The following PATJ variants were observed in gnomAD, a reference collection of about 807,000 sequenced individuals.
PATJ encodes PATJ crumbs cell polarity complex component.
Under a neutral mutation model 224.9 loss-of-function variants are expected in PATJ, and 190 were observed. The ratio of observed to expected loss-of-function variants is 0.84; its 90% CI spans 0.75 to 0.95. The LOEUF (loss-of-function observed/expected upper bound fraction) is 0.95. Ranked by LOEUF, PATJ falls within the 40% of genes least tolerant of loss-of-function variation. PATJ has a pLI of 0.00. For synonymous variants in PATJ, 769 were observed against 820.3 expected, an observed-to-expected ratio of 0.94 and a Z score of 1.07; for missense variants, 2,121 against 2,270.3, an observed-to-expected ratio of 0.93 and a Z score of 1.34.
At chr1:61,784,587 C>CATAAAGTATATCA (rs1349018609) in intron 7 of PATJ, among the ~76,000 whole-genome samples, 1 of 152,172 alleles carries the variant, frequency 6.6e-6, no homozygotes, top group Non-Finnish European at 1.5e-5. Context: ...TAGGAAGTGA[C>CATAAAGTATATCA]TAAAAATATA....
At chr1:61,948,723 C>G (rs1251921864) in intron 27 of PATJ, among the ~76,000 whole-genome samples, 1 of 152,150 alleles carries the variant, frequency 6.6e-6, no homozygotes, top group East Asian at 1.9e-4. Context: ...GGCATATACC[C>G]AAAGGACTAT....
chr1:61,886,364 C>G (rs959676594), intron 22 of PATJ, among the ~76,000 whole-genome samples: 7 of 152,106 alleles, frequency 4.6e-5, no homozygotes, highest in Non-Finnish European at 1.0e-4. Flanking sequence ...CTAATAGGGT[C>G]AATGTAGATA....
chr1:61,760,913 G>C (rs970346084), intron 1 of PATJ, among the ~76,000 whole-genome samples: 13 of 152,160 alleles, frequency 8.5e-5, no homozygotes, highest in African/African-American at 3.1e-4. Flanking sequence ...CGCCCAGCCT[G>C]GGTGGTTTCT....
chr1:61,871,482 TGTGTATATATGTATATATACATATATAC>T (rs1352750366), intron 20 of PATJ, among the ~76,000 whole-genome samples: 3 of 27,294 alleles, frequency 1.1e-4, no homozygotes, highest in African/African-American at 4.4e-4. Context: ...TACATATATA[TGTGTATATATGTATATATACATATATAC>T]GCATATATAT....
intron 30 of PATJ, chr1:62,038,993 C>G (rs1432400710): frequency 7.3e-7 from 1 of 1,363,566 alleles, no homozygotes; most frequent in East Asian, 2.3e-5. Context: ...CAACAAGCAG[C>G]TGAGCTAACC....
intron 43 of PATJ, among the ~76,000 whole-genome samples, chr1:62,160,060 G>A (rs1669699335): frequency 6.6e-6 from 1 of 152,022 alleles, no homozygotes; most frequent in Non-Finnish European, 1.5e-5. Context: ...ACCTCATTTA[G>A]AGGATTCTTC....
chr1:61,920,105 A>G (rs1674070023), intron 26 of PATJ, among the ~76,000 whole-genome samples: 1 of 151,964 alleles, frequency 6.6e-6, no homozygotes, highest in Non-Finnish European at 1.5e-5. Flanking sequence ...TTTAGTTTTT[A>G]TTTCACATGT....
chr1:62,113,890 T>C (rs1284191920), intron 34 of PATJ, among the ~76,000 whole-genome samples, 163 bp from the exon 35 acceptor site: 1 of 152,236 alleles, frequency 6.6e-6, no homozygotes, highest in East Asian at 1.9e-4. Flanking sequence ...ATCTCCTTTA[T>C]ATTCAAAGCA....
At chr1:61,906,417 AG>A (rs1671865002) in intron 24 of PATJ, among the ~76,000 whole-genome samples, 1 of 152,150 alleles carries the variant, frequency 6.6e-6, no homozygotes, top group Non-Finnish European at 1.5e-5. Flanking sequence ...GAGGCTATCC[AG>A]GGGATCTACC....
intron 17 of PATJ, among the ~76,000 whole-genome samples, chr1:61,838,442 C>T (rs1306876359): frequency 6.6e-6 from 1 of 151,758 alleles, no homozygotes; most frequent in East Asian, 1.9e-4. Context: ...GCAAGCTCCA[C>T]CTCCCGGGTT....
rs1664182653 is a variant in PATJ, at chr1:62,114,142, T to C, written c.4551T>C (p.Tyr1517=). 6 of 1,613,696 alleles carry C rather than the reference T, an allele frequency of 3.7e-6. No homozygotes were observed. The highest frequency in any genetic ancestry group is 4.2e-6 in the Non-Finnish European group (5 of 1,179,930). The change falls in exon 35 of 44, where the codon TAT becomes TAC. Residue 1517 remains tyrosine (Y), a synonymous_variant. Coordinates refer to ENST00000642238, the MANE Select transcript of PATJ (RefSeq NM_001350145.3). ...CCCAGAAGGTGCGGCTGGTGGTGTA[T>C]AGAGATGAGGCACACTACCGGGATG... ...QTPQKVRLVV[Y]RDEAHYRDEE... is the part of the protein sequence containing the mutation.
At chr1:62,043,726 T>TTG (rs1553251828) in intron 30 of PATJ, among the ~76,000 whole-genome samples, 1 of 151,246 alleles carries the variant, frequency 6.6e-6, no homozygotes, top group Non-Finnish European at 1.5e-5. Context: ...GGTTTTGGTT[T>TTG]GGGGGGGGCA....
intron 27 of PATJ, among the ~76,000 whole-genome samples, chr1:61,938,395 G>A (rs1677220832): frequency 6.6e-6 from 1 of 151,848 alleles, no homozygotes; most frequent in South Asian, 2.1e-4. Context: ...AAAAAAACAA[G>A]AAACAAAACA....
intron 17 of PATJ, among the ~76,000 whole-genome samples, chr1:61,844,590 T>C (rs1228301996): frequency 6.6e-6 from 1 of 152,200 alleles, no homozygotes; most frequent in Non-Finnish European, 1.5e-5. Context: ...TTATACTTGT[T>C]CTTTTTTTAT....
chr1:62,160,836 A>G (rs1669773342), intron 43 of PATJ, 72 bp from the exon 44 acceptor site: 1 of 1,509,620 alleles, frequency 6.6e-7, no homozygotes, highest in Non-Finnish European at 9.1e-7. Context: ...GACAGATGTT[A>G]GAGGTTTTAA....
intron 33 of PATJ, among the ~76,000 whole-genome samples, chr1:62,096,676 C>T (rs1482374535): frequency 3.3e-5 from 5 of 152,184 alleles, no homozygotes; most frequent in Admixed American, 2.6e-4. Context: ...AGTGCAATGG[C>T]GCGATCTCAG....
chr1:61,823,921 G>C (rs1377399967), intron 15 of PATJ, among the ~76,000 whole-genome samples: 1 of 152,158 alleles, frequency 6.6e-6, no homozygotes, highest in Non-Finnish European at 1.5e-5. Context: ...ATCAAATTCT[G>C]TCATAAGCAT....
chr1:62,065,333 G>A (rs1656230755), intron 31 of PATJ, among the ~76,000 whole-genome samples: 1 of 152,158 alleles, frequency 6.6e-6, no homozygotes, highest in Non-Finnish European at 1.5e-5. Context: ...GCTTTAGGCT[G>A]GGTGCCGTGG....
chr1:61,814,114 A>C (rs1454184197), intron 14 of PATJ, among the ~76,000 whole-genome samples: 4 of 143,962 alleles, frequency 2.8e-5, no homozygotes, highest in Non-Finnish European at 6.0e-5. Flanking sequence ...GTCACCCAAA[A>C]TTACATTATT....
Sources: allele counts gnomAD v4.1 joint callset (sites outside exome capture counted in the v4.1 genomes callset), GRCh38; gene constraint gnomAD v4.1.1; transcripts MANE v1.5; gene names NCBI Gene and HGNC (gene_info 2026-07-23, HGNC 2026-07-21).